AKR1C2: variants seen among roughly 807,000 people sequenced by gnomAD.
The protein encoded by AKR1C2 is aldo-keto reductase family 1 member C2, also known as 3-alpha-HSD3.
AKR1C2 carries 27 observed loss-of-function variants against 39.8 expected under a neutral mutation model. That is an observed-to-expected ratio of 0.68 (90% CI 0.50 to 0.93). AKR1C2 has a LOEUF of 0.93. Ranked by LOEUF, AKR1C2 falls within the 40% of genes least tolerant of loss-of-function variation. AKR1C2 has a pLI of 0.00. For missense variants in AKR1C2, 263 were observed against 365.1 expected (o/e 0.72, Z 2.28); for synonymous variants, 114 against 137.9 (o/e 0.83, Z 1.22).
intron 3 of AKR1C2, chr10:4,999,648 C>T (rs1837189481): frequency 5.6e-6 from 1 of 179,826 alleles, no homozygotes; most frequent in Non-Finnish European, 1.2e-5. Flanking sequence ...CCAGGTGCCA[C>T]TATCAGAGTT....
At chr10:5,013,735 C>A (rs1379249684) in intron 1 of AKR1C2, 2 of 152,148 alleles carry the variant, frequency 1.3e-5, no homozygotes, top group Non-Finnish European at 2.9e-5. Context: ...ATCATTTAAC[C>A]ATTTTAAAAC....
intron 1 of AKR1C2, among the ~76,000 whole-genome samples, chr10:5,009,698 G>C (rs370996263): frequency 6.6e-6 from 1 of 152,014 alleles, no homozygotes; most frequent in Admixed American, 6.6e-5. Context: ...TTTGCCTTTT[G>C]GCCCACCACA....
rs115820535 is a variant in AKR1C2 at position 5,016,825 on chromosome 10, T to G, written c.-88+1075A>C. ...GGCTTCTGCCTGGACGTCCATGCAT[T>G]TTTATACATTCTCTGAAATCTAGGC... On this transcript the variant is annotated intron_variant, in intron 1 of 6. Coordinates refer to the AKR1C2 transcript ENST00000604507. Among the ~76,000 whole-genome samples, 911 of 152,324 alleles carry G rather than the reference T, an allele frequency of 6.0e-3. 9 individuals are homozygous for G. Among genetic ancestry groups the G allele is most frequent in the African/African-American group, 0.02 (850 of 41,570 alleles).
At chr10:5,009,464 G>A (rs1187080141) in intron 1 of AKR1C2, among the ~76,000 whole-genome samples, 1 of 152,030 alleles carries the variant, frequency 6.6e-6, no homozygotes, top group Non-Finnish European at 1.5e-5. Context: ...ACAAGCAGGG[G>A]AGGTTGTAAA....
intron 1 of AKR1C2, chr10:5,010,617 C>A (rs554580618): frequency 6.6e-6 from 1 of 152,052 alleles, no homozygotes; most frequent in Non-Finnish European, 1.5e-5. Context: ...CCCTCTCATG[C>A]GGCGTTGGCT....
rs1198523033 is a variant in AKR1C2, at chr10:5,000,256, A to C, written c.369+294T>G. ...GAACATCCCAAGAGGTGAAATCAGG[A>C]ATCATAAATAAGACCTTGTGCCTTC... On this transcript the variant is annotated intron_variant, in intron 3 of 8. Coordinates refer to ENST00000380753, the MANE Select transcript of AKR1C2 (RefSeq NM_001393392.1). 1.2e-5 allele frequency: 17 copies of C among 1,453,640 alleles called. No homozygotes were observed. In the South Asian group the frequency reaches 2.4e-4, roughly 21 times the overall value. The allele number at this position is 1,453,640 out of a possible 1,614,324, so 90.0% of individuals were successfully genotyped here. A position where few individuals can be genotyped will look rare whatever the true frequency, so the allele number is the denominator to read the frequency against.
chr10:5,013,781 T>C (rs1554775129), intron 1 of AKR1C2, among the ~76,000 whole-genome samples: 1 of 152,226 alleles, frequency 6.6e-6, no homozygotes, highest in African/African-American at 2.4e-5. Flanking sequence ...TCAACCTTAT[T>C]GAGCAAGCAT....
At chr10:5,002,410 T>C (rs1221890267) in intron 1 of AKR1C2, among the ~76,000 whole-genome samples, 1 of 152,230 alleles carries the variant, frequency 6.6e-6, no homozygotes. Context: ...CAGTCTATTA[T>C]GTTAGATCTT....
At chr10:5,007,291 C>CT (rs1178215575), upstream of AKR1C2, 1 of 121,046 alleles carries the variant, frequency 8.3e-6, no homozygotes, top group Non-Finnish European at 1.9e-5. Flanking sequence ...GTGAAATTTG[C>CT]TTTTACTTTC....
upstream of AKR1C2, among the ~76,000 whole-genome samples, chr10:5,008,224 G>T (rs10904389): frequency 0.81 from 112,789 of 139,972 alleles, 45,626 homozygotes; most frequent in South Asian, 0.85. Context: ...CCACATATTA[G>T]TGCTCAACAT....
intron 1 of AKR1C2, among the ~76,000 whole-genome samples, chr10:5,013,973 C>T (rs1448865662): frequency 3.3e-5 from 5 of 152,124 alleles, no homozygotes; most frequent in African/African-American, 1.2e-4. Flanking sequence ...CCTTTTGTGT[C>T]TGGTTTATTT....
At chr10:5,000,121 C>T (rs533612491) in intron 3 of AKR1C2, 8 of 1,236,888 alleles carry the variant, frequency 6.5e-6, no homozygotes, top group East Asian at 3.7e-5. Flanking sequence ...AAGACATTCC[C>T]GGACTGAGTT....
At chr10:5,011,623 G>C (rs1174332610) in intron 1 of AKR1C2, among the ~76,000 whole-genome samples, 1 of 152,110 alleles carries the variant, frequency 6.6e-6, no homozygotes, top group African/African-American at 2.4e-5. Flanking sequence ...ATAGGTACAA[G>C]GACAAGAGAC....
upstream of AKR1C2, among the ~76,000 whole-genome samples, chr10:5,008,558 A>G (rs573016404): frequency 6.6e-6 from 1 of 152,248 alleles, no homozygotes; most frequent in East Asian, 1.9e-4. Flanking sequence ...AATCTGGTGG[A>G]AAGAAACTGA....
intron 2 of AKR1C2, 115 bp from the exon 3 acceptor site, chr10:5,000,781 A>T: frequency 3.6e-6 from 3 of 840,694 alleles, no homozygotes; most frequent in Non-Finnish European, 5.8e-6. Context: ...ACCACAGGCA[A>T]AATTATTCTC....
intron 1 of AKR1C2, among the ~76,000 whole-genome samples, chr10:5,013,995 A>T (rs1446042889): frequency 2.6e-5 from 4 of 152,140 alleles, no homozygotes; most frequent in African/African-American, 9.7e-5. Context: ...GCTTAGTAAA[A>T]TGTCCTCAAG....
At position 4,998,489 on chromosome 10, in the gene AKR1C2, C is replaced by T. The variant is rs1397819331; in HGVS notation, c.570+136G>A. The T allele has an allele frequency of 4.7e-6, 7 of 1,495,074 alleles. No homozygotes were observed. The African/African-American group carries it at 9.8e-5, about 21-fold the overall frequency. 92.6% of individuals were successfully genotyped at this position (1,495,074 alleles called of 1,614,324 possible). A position where few individuals can be genotyped will look rare whatever the true frequency, so the allele number is the denominator to read the frequency against. The stretch of plus-strand genomic sequence containing the variant: ...GGGTACAAGTAAGAGGACTCCATGC[C>T]CTTCTAGGAAGAGGCTTTGTTCTCT... On this transcript the variant is annotated intron_variant, in intron 5 of 8. Transcript: ENST00000380753.
chr10:5,002,092 A>G (rs1554773906), intron 1 of AKR1C2, among the ~76,000 whole-genome samples: 1 of 152,218 alleles, frequency 6.6e-6, no homozygotes. Context: ...CTCTCCCACC[A>G]TGTTGCACAG....
upstream of AKR1C2, chr10:5,004,606 T>C (rs1449442930): frequency 6.6e-6 from 1 of 152,242 alleles, no homozygotes; most frequent in African/African-American, 2.4e-5. Context: ...TACCAAAAAG[T>C]AACAAGCCAA....
Sources: allele counts gnomAD v4.1 joint callset (sites outside exome capture counted in the v4.1 genomes callset), GRCh38; gene constraint gnomAD v4.1.1; transcripts MANE v1.5; gene names NCBI Gene and HGNC (gene_info 2026-07-23, HGNC 2026-07-21).